Variants in GPR20 observed in about 807,000 individuals in gnomAD.
GPR20 encodes the protein G protein-coupled receptor 20, also known as CTD-3064M3.3.
For missense variants in GPR20, 494 were observed against 527.4 expected (o/e 0.94, Z 0.62); for synonymous variants, 241 against 241.9 (o/e 1.00, Z 0.04).
Position 141,357,343 on chromosome 8 carries a change from C to T in GPR20, c.581G>A (p.Cys194Tyr), listed in dbSNP as rs1427775998. The change falls in exon 2 of 2, where the codon TGC (cysteine) becomes TAC (tyrosine). Residue 194 changes from cysteine to tyrosine, a missense_variant. Cys to Tyr is a radical substitution (Grantham distance 194). Coordinates refer to ENST00000377741, the MANE Select transcript of GPR20 (RefSeq NM_005293.3). Reference protein sequence around the residue: ...SVLGVTGSRPCCRVFALTVLE... With the variant: ...SVLGVTGSRPYCRVFALTVLE... ...GACAGTCAGCGCAAAGACACGGCAG[C>T]AGGGCCGGCTGCCTGTCACGCCCAG... The T allele has an allele frequency of 1.9e-6, 3 of 1,549,640 alleles. No individual in the cohort carries two copies. The highest frequency in any genetic ancestry group is 4.8e-5 in the East Asian group (2 of 41,484).
At chr8:141,360,929 G>A (rs1166648825) in intron 1 of GPR20, among the ~76,000 whole-genome samples, 1 of 152,224 alleles carries the variant, frequency 6.6e-6, no homozygotes, top group Non-Finnish European at 1.5e-5. Flanking sequence ...GGAGAGGCAT[G>A]GTTTTACCCT....
Position 141,357,410 on chromosome 8 carries a change from C to G in GPR20, c.514G>C (p.Ala172Pro), listed in dbSNP as rs767792248. 2 of 1,600,192 alleles carry G rather than the reference C, an allele frequency of 1.2e-6. No homozygotes were observed. Among genetic ancestry groups the G allele is most frequent in the South Asian group, 1.1e-5 (1 of 90,002 alleles). ...RQPACARAVC[A>P]FVWLAAGAVT... is the part of the protein sequence containing the mutation. ...GCACCGGCGGCCAGCCACACGAAGG[C>G]GCACACGGCCCTGGCACAGGCAGGC... Residue 172 changes from alanine (A) to proline (P), a missense_variant, in exon 2 of 2, where the codon GCC becomes CCC. By Grantham distance (27) the Ala-to-Pro change is conservative (BLOSUM62 -1). Coordinates refer to ENST00000377741, the MANE Select transcript of GPR20 (RefSeq NM_005293.3).
intron 1 of GPR20, among the ~76,000 whole-genome samples, 176 bp from the exon 2 acceptor site, chr8:141,358,123 C>T (rs1484655900): frequency 3.3e-5 from 5 of 152,238 alleles, no homozygotes; most frequent in Non-Finnish European, 5.9e-5. Context: ...GAGGGAGCCT[C>T]GGACAGCAGC....
At chr8:141,364,874 C>T (rs1433180517) in intron 1 of GPR20, among the ~76,000 whole-genome samples, 3 of 152,148 alleles carry the variant, frequency 2.0e-5, no homozygotes, top group South Asian at 2.1e-4. Context: ...TCCCCATCAC[C>T]GAGTTCATTG....
chr8:141,359,390 C>T (rs979556866), intron 1 of GPR20, among the ~76,000 whole-genome samples: 1 of 152,212 alleles, frequency 6.6e-6, no homozygotes, highest in African/African-American at 2.4e-5. Flanking sequence ...TCCTCAGAGT[C>T]AGAGAGGTCA....
chr8:141,357,170 C>T lies in GPR20; in HGVS notation c.754G>A (p.Val252Ile), dbSNP rs753403289. ...CGGGCGTGGAAGGGCGTGAAGCAGA[C>T]GAGAAAGATGATGAGCACCGTGAGC... The part of the protein sequence containing the change: ...LLLTVLIIFL[V>I]CFTPFHARQV... The change falls in exon 2 of 2, where the codon GTC becomes ATC. Residue 252 changes from valine to isoleucine, a missense_variant. Coordinates refer to ENST00000377741, the MANE Select transcript of GPR20 (RefSeq NM_005293.3). The T allele has an allele frequency of 1.6e-5, 25 of 1,605,138 alleles. No individual in the cohort carries two copies. The highest frequency in any genetic ancestry group is 2.2e-5 in the East Asian group (1 of 44,740).
chr8:141,364,555 A>T (rs1393462343), intron 1 of GPR20, among the ~76,000 whole-genome samples: 1 of 151,670 alleles, frequency 6.6e-6, no homozygotes, highest in Non-Finnish European at 1.5e-5. Context: ...GGCTCCCTCC[A>T]CCCCAGTGCA....
At chr8:141,359,618 G>T (rs1324792737) in intron 1 of GPR20, among the ~76,000 whole-genome samples, 2 of 152,238 alleles carry the variant, frequency 1.3e-5, no homozygotes, top group Non-Finnish European at 2.9e-5. Context: ...GGGCATTGAT[G>T]GGTGCATTTG....
At chr8:141,359,532 C>T (rs79162563) in intron 1 of GPR20, among the ~76,000 whole-genome samples, 8,484 of 152,318 alleles carry the variant, frequency 0.056, 777 homozygotes, top group African/African-American at 0.19. Context: ...GCCACCCCCA[C>T]CACACAAGGG....
Position 141,357,345 on chromosome 8 carries a change from G to A in GPR20, c.579C>T (p.Pro193=). The change falls in exon 2 of 2, where the codon CCC becomes CCT. Residue 193 remains proline, a synonymous_variant. Coordinates refer to ENST00000377741, the MANE Select transcript of GPR20 (RefSeq NM_005293.3). ...CAGTCAGCGCAAAGACACGGCAGCA[G>A]GGCCGGCTGCCTGTCACGCCCAGCA... The part of the protein sequence containing the change: ...LSVLGVTGSR[P]CCRVFALTVL... 14 of 1,550,590 alleles carry A rather than the reference G, an allele frequency of 9.0e-6. No individual in the cohort carries two copies. Among genetic ancestry groups the A allele is most frequent in the Non-Finnish European group, 1.2e-5 (14 of 1,152,638 alleles).
At chr8:141,358,162 C>T (rs528876422) in intron 1 of GPR20, among the ~76,000 whole-genome samples, 3 of 152,390 alleles carry the variant, frequency 2.0e-5, no homozygotes, top group African/African-American at 7.2e-5. Context: ...CAGAGTCAGA[C>T]GCGTGTTCAA....
chr8:141,357,903 C>T lies in GPR20; in HGVS notation c.21G>A (p.Ala7=), dbSNP rs1358203101. 41 of 1,571,306 alleles carry T rather than the reference C, an allele frequency of 2.6e-5. No homozygotes were observed. The highest frequency in any genetic ancestry group is 1.4e-4 in the East Asian group (6 of 42,668). Residue 7 remains alanine, a synonymous_variant, in exon 2 of 2, where the codon GCG becomes GCA. Transcript: ENST00000377741. ...TGGGGACTGCCCCGGCCGAGGGCCCCGCTGGAGACACAGAGGGCATGACGG... is the reference window on the plus strand; with the variant it reads ...TGGGGACTGCCCCGGCCGAGGGCCCTGCTGGAGACACAGAGGGCATGACGG... MPSVSP[A]GPSAGAVPNA... is the part of the protein sequence containing the mutation.
At chr8:141,366,153 G>A (rs1174075899) in intron 1 of GPR20, among the ~76,000 whole-genome samples, 1 of 152,240 alleles carries the variant, frequency 6.6e-6, no homozygotes, top group Admixed American at 6.5e-5. Context: ...CAAACTGCAT[G>A]GCCCCCACGC....
intron 1 of GPR20, among the ~76,000 whole-genome samples, chr8:141,359,782 G>T (rs757361142): frequency 4.6e-5 from 7 of 152,272 alleles, no homozygotes; most frequent in South Asian, 2.1e-4. Context: ...GCCCCAGAAG[G>T]TCCCCCCGAA....
intron 1 of GPR20, among the ~76,000 whole-genome samples, chr8:141,360,893 C>T (rs1262034004): frequency 6.6e-6 from 1 of 152,270 alleles, no homozygotes; most frequent in East Asian, 1.9e-4. Flanking sequence ...CACAGCTCTG[C>T]CTCGCCCTGG....
intron 1 of GPR20, among the ~76,000 whole-genome samples, chr8:141,361,664 G>C (rs1831735569): frequency 6.6e-6 from 1 of 152,196 alleles, no homozygotes; most frequent in Non-Finnish European, 1.5e-5. Context: ...GGAGGGCTCT[G>C]ACCTGGGTGG....
At position 141,357,519 on chromosome 8, in the gene GPR20, G is replaced by C. The variant is rs1831667045; in HGVS notation, c.405C>G (p.His135Gln). ...TGCAGGTGAGGAAGAGGATGGAGCA[G>C]TGCATGTTGAGGAAGTAACCGAGGA... Reference protein sequence around the residue: ...PHVLGYFLNMHCSILFLTCIC... With the variant: ...PHVLGYFLNMQCSILFLTCIC... The change falls in exon 2 of 2, where the codon CAC (histidine) becomes CAG (glutamine). Residue 135 changes from histidine to glutamine, a missense_variant. Transcript: ENST00000377741. 1 of 1,613,636 alleles carries C rather than the reference G, an allele frequency of 6.2e-7. No individual in the cohort carries two copies. Among genetic ancestry groups the C allele is most frequent in the Non-Finnish European group, 8.5e-7 (1 of 1,180,004 alleles).
intron 1 of GPR20, among the ~76,000 whole-genome samples, chr8:141,366,442 A>T (rs1831814708): frequency 1.3e-5 from 2 of 152,124 alleles, no homozygotes; most frequent in African/African-American, 4.8e-5. Context: ...GCTGCTGGCC[A>T]GTTCCCAGCC....
At chr8:141,365,591 T>C (rs1424712369) in intron 1 of GPR20, among the ~76,000 whole-genome samples, 1 of 152,072 alleles carries the variant, frequency 6.6e-6, no homozygotes, top group Non-Finnish European at 1.5e-5. Flanking sequence ...AGCTGACAGC[T>C]CAGGGTAGGG....
Sources: gnomAD v4.1 joint callset for allele counts (sites outside exome capture counted in the v4.1 genomes callset) on GRCh38, gnomAD v4.1.1 for gene constraint, MANE v1.5 for transcripts, NCBI Gene and HGNC (gene_info 2026-07-23, HGNC 2026-07-21) for gene names.